Variants in PTPN18 observed in about 807,000 individuals in gnomAD.
PTPN18 encodes tyrosine-protein phosphatase non-receptor type 18.
Under a neutral mutation model 65.4 loss-of-function variants are expected in PTPN18, and 65 were observed. The ratio of observed to expected loss-of-function variants is 0.99; its 90% confidence interval spans 0.81 to 1.22. The LOEUF (loss-of-function observed/expected upper bound fraction) is 1.22, where lower values mean the gene tolerates loss of function less well. Ranked by LOEUF, PTPN18 falls within the 50% of genes most tolerant of loss-of-function variation. PTPN18 has a pLI of 0.00. For missense variants in PTPN18, 616 were observed against 646.5 expected, an observed-to-expected ratio of 0.95 and a Z score of 0.51; for synonymous variants, 255 against 267.8, an observed-to-expected ratio of 0.95 and a Z score of 0.47.
At chr2:130,372,711 G>A (rs1439133706) in intron 13 of PTPN18, 162 bp from the exon 14 acceptor site, 5 of 992,614 alleles carry the variant, frequency 5.0e-6, no homozygotes, top group Admixed American at 2.7e-5. Context: ...TGTCTTGGCC[G>A]CGCCCAAAGG....
chr2:130,358,669 G>T (rs1381079102), intron 1 of PTPN18, among the ~76,000 whole-genome samples, 198 bp from the exon 2 acceptor site: 1 of 152,156 alleles, frequency 6.6e-6, no homozygotes, highest in Non-Finnish European at 1.5e-5. Flanking sequence ...TTAGCACAGA[G>T]AGTGGCACAG....
chr2:130,374,898 C>T lies in PTPN18; in HGVS notation c.*1674C>T, dbSNP rs1680697718. 3.3e-6 allele frequency: 1 copy of T among 300,820 alleles called. No homozygotes were observed. The highest frequency in any genetic ancestry group is 2.8e-5 in the South Asian group (1 of 35,250). The allele number at this position is 300,820 out of a possible 1,614,324, so 18.6% of individuals were successfully genotyped here. On this transcript the variant is annotated 3_prime_UTR_variant, in exon 15 of 15. Coordinates refer to ENST00000175756, the MANE Select transcript of PTPN18 (RefSeq NM_014369.4). ...GATGTGTACATACCCCACCCCACCCCTTGGCAGGGTGATGCTGAGGTGTGG... is the reference window on the plus strand; with the variant it reads ...GATGTGTACATACCCCACCCCACCCTTTGGCAGGGTGATGCTGAGGTGTGG...
At chr2:130,361,537 TCTTTCTTTCTTTCTTTCTTTCTTTCTTTC>T (rs1680203709) in intron 5 of PTPN18, among the ~76,000 whole-genome samples, 1 of 138,784 alleles carries the variant, frequency 7.2e-6, no homozygotes, top group Non-Finnish European at 1.5e-5. Context: ...TTTCTTTCTT[TCTTTCTTTCTTTCTTTCTTTCTTTCTTTC>T]CTTTCTTTCC....
In PTPN18 at chr2:130,372,354, CAGACGG is replaced by C. The variant is rs771358693; in HGVS notation, c.1112_1117del (p.Gln371_Gly373delinsArg). 2.3e-5 allele frequency: 32 copies of C among 1,374,616 alleles called. No individual in the cohort carries two copies. The highest frequency in any genetic ancestry group is 1.4e-4 in the Admixed American group (4 of 29,038). 85.2% of individuals were successfully genotyped at this position (1,374,616 alleles called of 1,614,324 possible). ...TCCAGCGGGCGCCGGGAGTGGGACG[CAGACGG>C]GGACGGGGACGGGGACGGGGGCGCG... On this transcript the variant is annotated inframe_deletion, in exon 13 of 15. Coordinates refer to ENST00000175756, the MANE Select transcript of PTPN18 (RefSeq NM_014369.4).
At chr2:130,361,729 A>G (rs1475364884) in intron 5 of PTPN18, among the ~76,000 whole-genome samples, 1 of 151,992 alleles carries the variant, frequency 6.6e-6, no homozygotes, top group Admixed American at 6.6e-5. Context: ...CTGGGATTGC[A>G]GGTGCCTGCC....
intron 5 of PTPN18, chr2:130,362,212 C>T (rs1237818554): frequency 8.6e-6 from 4 of 466,694 alleles, no homozygotes; most frequent in South Asian, 3.1e-5. Context: ...TCAAGCTGTC[C>T]TTCCACCTCG....
intron 5 of PTPN18, among the ~76,000 whole-genome samples, chr2:130,360,705 TTATCTGACCCTTTA>T (rs1214132936): frequency 9.2e-5 from 14 of 152,234 alleles, no homozygotes; most frequent in African/African-American, 3.4e-4. Context: ...TCTAAAGTAT[TTATCTGACCCTTTA>T]TAAAAATGTC....
In PTPN18 at chr2:130,373,285, T is replaced by G; in HGVS notation, c.*61T>G. ...GCTCGGACTGCTGATGCCCCGGTGC[T>G]GCTGAGCGCCGTGCGCAGAATGGAA... On this transcript the variant is annotated 3_prime_UTR_variant, in exon 15 of 15. Transcript: ENST00000175756. The surrounding 1 kb of genome is among the most constrained non-coding windows in gnomAD (Gnocchi z 4.1). 1.4e-6 allele frequency: 2 copies of G among 1,446,798 alleles called. No homozygotes were observed. Among genetic ancestry groups the G allele is most frequent in the Non-Finnish European group, 1.9e-6 (2 of 1,078,780 alleles). 89.6% of individuals were successfully genotyped at this position (1,446,798 alleles called of 1,614,324 possible).
chr2:130,361,536 T>TTCTTTC (rs1680203214), intron 5 of PTPN18, among the ~76,000 whole-genome samples: 1 of 140,720 alleles, frequency 7.1e-6, no homozygotes, highest in African/African-American at 3.0e-5. Flanking sequence ...CTTTCTTTCT[T>TTCTTTC]TCTTTCTTTC....
At chr2:130,371,154 G>C (rs781751093) in intron 11 of PTPN18, 45 bp from the exon 12 acceptor site, 2 of 1,521,264 alleles carry the variant, frequency 1.3e-6, no homozygotes, top group Admixed American at 3.5e-5. Context: ...TGAGAGGCCT[G>C]GCCAGCTTCC....
Position 130,371,224 on chromosome 2 carries a change from C to T in PTPN18, c.950C>T (p.Ala317Val), listed in dbSNP as rs1391819463. ...KENCAPLYDDALFLRTPQALL... is the reference protein window; with the variant it reads ...KENCAPLYDDVLFLRTPQALL... ...AATTGTGCCCCACTCTACGACGATG[C>T]CCTCTTCCTCCGGACTCCCCAGGCA... Residue 317 changes from alanine (A) to valine (V), a missense_variant, in exon 12 of 15, where the codon GCC becomes GTC. Around this residue, in one of 3 missense-constraint regions of PTPN18, gnomAD observed 368 missense variants for 386.7 expected, o/e 0.95. Transcript: ENST00000175756. The T allele has an allele frequency of 2.1e-5, 34 of 1,610,522 alleles. No individual in the cohort carries two copies. Among genetic ancestry groups the T allele is most frequent in the Non-Finnish European group, 2.8e-5 (33 of 1,178,504 alleles).
In PTPN18 at chr2:130,369,755, C is replaced by A. The variant is rs1573865111; in HGVS notation, c.484-10C>A. Reference sequence around the variant, plus strand: ...TCCCTCTTCTTACTTGCCCCACCCCCCTTACTCAGATAAAGGAGAAGTGGC... The same window carrying A: ...TCCCTCTTCTTACTTGCCCCACCCCACTTACTCAGATAAAGGAGAAGTGGC... On this transcript the variant is annotated splice_polypyrimidine_tract_variant and intron_variant, in intron 6 of 14. Transcript: ENST00000175756. 6.3e-7 allele frequency: 1 copy of A among 1,583,480 alleles called. No individual in the cohort carries two copies.
At chr2:130,367,732 G>A (rs965920924) in intron 5 of PTPN18, among the ~76,000 whole-genome samples, 1 of 151,796 alleles carries the variant, frequency 6.6e-6, no homozygotes, top group Admixed American at 6.6e-5. Flanking sequence ...GATCTGCCTT[G>A]GCGTGACTTT....
chr2:130,364,863 T>G (rs948481371), intron 5 of PTPN18, among the ~76,000 whole-genome samples: 1 of 152,240 alleles, frequency 6.6e-6, no homozygotes, highest in Non-Finnish European at 1.5e-5. Context: ...TGTTTTCAGT[T>G]CCCTGGGTAT....
At chr2:130,359,095 C>A in intron 2 of PTPN18, 120 bp downstream of exon 2, 1 of 1,452,194 alleles carries the variant, frequency 6.9e-7, no homozygotes, top group Non-Finnish European at 9.6e-7. Context: ...CTCTGCACTG[C>A]TCAGCAGCCC....
intron 11 of PTPN18, 50 bp from the exon 12 acceptor site, chr2:130,371,149 G>A (rs1423083023): frequency 1.3e-6 from 2 of 1,506,704 alleles, no homozygotes; most frequent in Non-Finnish European, 1.8e-6. Context: ...CCCCTTGAGA[G>A]GCCTGGCCAG....
At chr2:130,361,535 TTTCTTTC>T (rs2104931265) in intron 5 of PTPN18, among the ~76,000 whole-genome samples, 3 of 145,016 alleles carry the variant, frequency 2.1e-5, no homozygotes, top group African/African-American at 8.1e-5. Context: ...TCTTTCTTTC[TTTCTTTC>T]TTTCTTTCTT....
At chr2:130,372,601 C>A in intron 13 of PTPN18, 118 bp downstream of exon 13, 1 of 1,256,042 alleles carries the variant, frequency 8.0e-7, no homozygotes, top group Non-Finnish European at 1.1e-6. Context: ...GCTAGCCTGG[C>A]CACGCCCCGA....
chr2:130,372,436 G>A lies in PTPN18; in HGVS notation c.1193G>A (p.Arg398Gln), dbSNP rs1680600605. ...AGCAAGGTGACGCCGCGCGCCCAGC[G>A]ACCCGGGGCGCACGCGGAGGACGCG... is the stretch of plus-strand genomic sequence containing the variant. ...LYSKVTPRAQ[R>Q]PGAHAEDARG... The change falls in exon 13 of 15, where the codon CGA becomes CAA. Residue 398 changes from arginine (R) to glutamine (Q), a missense_variant. Physicochemically the swap from Arg to Gln is conservative, Grantham distance 43. Around this residue, in one of 3 missense-constraint regions of PTPN18, gnomAD observed 368 missense variants for 386.7 expected, o/e 0.95. Transcript: ENST00000175756. The A allele has an allele frequency of 7.3e-7, 1 of 1,367,980 alleles. No homozygotes were observed. The highest frequency in any genetic ancestry group is 9.4e-7 in the Non-Finnish European group (1 of 1,067,548). The allele number at this position is 1,367,980 out of a possible 1,614,324, so 84.7% of individuals were successfully genotyped here.
Sources: allele counts gnomAD v4.1 joint callset (sites outside exome capture counted in the v4.1 genomes callset), GRCh38; gene constraint gnomAD v4.1.1; regional missense constraint gnomAD v4.1.1; non-coding constraint Gnocchi (gnomAD v3.1); transcripts MANE v1.5; gene names NCBI Gene and HGNC (gene_info 2026-07-23, HGNC 2026-07-21).